The following NCOR2 variants were observed in gnomAD, a reference collection of about 807,000 sequenced individuals.
NCOR2 encodes CTG repeat protein 26.
A neutral mutation model predicts 262.9 loss-of-function variants in NCOR2; 81 were observed. That is an observed-to-expected ratio of 0.31 (90% confidence interval 0.26 to 0.37). The LOEUF (loss-of-function observed/expected upper bound fraction) is 0.37, where lower values mean the gene tolerates loss of function less well. Among genes scored for constraint, NCOR2 ranks in the 10% least tolerant of loss-of-function variants. The probability of loss-of-function intolerance (pLI) is 1.00; values close to 1 mark genes in which losing one functional copy is unlikely to be tolerated. For missense variants in NCOR2, 3,385 were observed against 3,621.4 expected (o/e 0.93, Z 1.68); for synonymous variants, 1,659 against 1,559.3 (o/e 1.06, Z -1.51).
chr12:124,495,211 G>A lies in NCOR2; in HGVS notation c.41C>T (p.Ala14Val), dbSNP rs777329543. The A allele has an allele frequency of 2.5e-6, 4 of 1,613,878 alleles. No homozygotes were observed. The highest frequency in any genetic ancestry group is 1.7e-5 in the Admixed American group (1 of 60,016). The change falls in exon 1 of 47, where the codon GCC becomes GTC. Residue 14 changes from alanine (A) to valine (V), a missense_variant. Transcript: ENST00000405201. This position sits in a 1 kb window ranked among gnomAD's most constrained non-coding sequence, Gnocchi z 4.4. ...GTGGGGCGGGTAGCGGGGCTCAGTG[G>A]CCCTCCACGTCTGTGCCACAGGCTG...
chr12:124,378,313 C>T lies in NCOR2; in HGVS notation c.2091G>A (p.Pro697=), dbSNP rs572762438. The change falls in exon 18 of 47, where the codon CCG becomes CCA. Residue 697 remains proline, a synonymous_variant. Transcript: ENST00000405201. The surrounding 1 kb of genome is among the most constrained non-coding windows in gnomAD (Gnocchi z 4.2). ...CCATCTCCTCATCCTCCACCACGGGCGGGAATGCAGCCTCCTCGCTGGCCG... is the reference window on the plus strand; with the variant it reads ...CCATCTCCTCATCCTCCACCACGGGTGGGAATGCAGCCTCCTCGCTGGCCG... 18 of 1,614,016 alleles carry T rather than the reference C, an allele frequency of 1.1e-5. No homozygotes were observed. The highest frequency in any genetic ancestry group is 6.7e-5 in the African/African-American group (5 of 75,056).
intron 37 of NCOR2, 47 bp downstream of exon 39, chr12:124,339,959 C>A (rs762057557): frequency 1.4e-6 from 2 of 1,389,518 alleles, no homozygotes; most frequent in Admixed American, 3.8e-5. Context: ...CTCCTACTGA[C>A]CACCCATCCA....
chr12:124,371,392 T>C (rs1195369669), intron 20 of NCOR2, among the ~76,000 whole-genome samples: 1 of 152,216 alleles, frequency 6.6e-6, no homozygotes, highest in African/African-American at 2.4e-5. Context: ...TGTGACCTTA[T>C]TTGGAAATAG....
At chr12:124,424,267 A>C (rs2293515) in intron 11 of NCOR2, among the ~76,000 whole-genome samples, 1 of 152,068 alleles carries the variant, frequency 6.6e-6, no homozygotes, top group South Asian at 2.1e-4. Context: ...GGGAACGTGA[A>C]TCTCAAACGC....
intron 13 of NCOR2, among the ~76,000 whole-genome samples, chr12:124,412,551 C>T (rs1040709765): frequency 2.7e-4 from 41 of 152,376 alleles, no homozygotes; most frequent in Admixed American, 6.5e-5. Context: ...GCTGCCTCAT[C>T]CAAGTTGGGC....
At chr12:124,515,562 T>C (rs1455637523) in intron 1 of NCOR2, among the ~76,000 whole-genome samples, 1 of 152,082 alleles carries the variant, frequency 6.6e-6, no homozygotes, top group Admixed American at 6.6e-5. Flanking sequence ...CACTCACTTG[T>C]GTGAGTGTGT....
chr12:124,472,842 G>A, intron 4 of NCOR2, 110 bp downstream of exon 6: 3 of 1,440,890 alleles, frequency 2.1e-6, no homozygotes, highest in Admixed American at 3.5e-5. Flanking sequence ...AAAAACCAGT[G>A]AGCACCCAGG....
chr12:124,443,090 G>A lies in NCOR2; in HGVS notation c.816-5094C>T, dbSNP rs1354699300. Among the ~76,000 whole-genome samples the A allele has an allele frequency of 6.6e-6, 1 of 152,220 alleles. No homozygotes were observed. The highest frequency in any genetic ancestry group is 1.5e-5 in the Non-Finnish European group (1 of 68,036). On this transcript the variant is annotated intron_variant, in intron 7 of 46. Transcript: ENST00000405201. The surrounding 1 kb of genome is among the most constrained non-coding windows in gnomAD (Gnocchi z 4.4). ...TTTCCAACTGCTGGCCTCCAGTACT[G>A]TGAGAGAAGAAAGTTCCTGCCATTT...
chr12:124,441,090 G>A (rs1454270087), intron 7 of NCOR2, among the ~76,000 whole-genome samples: 2 of 152,184 alleles, frequency 1.3e-5, no homozygotes, highest in East Asian at 3.9e-4. Context: ...CAGCTGTGAA[G>A]GCCTAGAAGC....
rs60467746 is a variant in NCOR2 at position 124,503,712 on chromosome 12, A to ATG, written c.-117-8345_-117-8344insCA. 2.7e-5 allele frequency among the ~76,000 whole-genome samples: 4 copies of ATG among 148,496 alleles called. No homozygotes were observed. Among genetic ancestry groups the ATG allele is most frequent in the East Asian group, 2.0e-4 (1 of 5,000 alleles). On this transcript the variant is annotated intron_variant, in intron 1 of 46. Coordinates refer to the NCOR2 transcript ENST00000404621. This position sits in a 1 kb window ranked among gnomAD's most constrained non-coding sequence, Gnocchi z 4.3. Reference sequence around the variant, plus strand: ...GATGGATGGATGGATGGATGGATGGACAGACGAATGGATGGATGGATGGAC... The same window carrying ATG: ...GATGGATGGATGGATGGATGGATGGATGCAGACGAATGGATGGATGGATGGAC...
At chr12:124,347,519 C>G (rs1035604807) in intron 30 of NCOR2, 8 of 376,382 alleles carry the variant, frequency 2.1e-5, no homozygotes, top group African/African-American at 1.6e-4. Flanking sequence ...ATGTGCCTCA[C>G]CAGGATGTTC....
exon 9 of NCOR2, chr12:124,430,659 G>A (rs374059688): frequency 2.2e-5 from 36 of 1,613,934 alleles, no homozygotes; most frequent in Non-Finnish European, 2.7e-5. Flanking sequence ...GGATCTCAGG[G>A]AACTGCTTCT....
chr12:124,492,348 G>A (rs1166761488), intron 1 of NCOR2, among the ~76,000 whole-genome samples: 1 of 152,204 alleles, frequency 6.6e-6, no homozygotes, highest in East Asian at 1.9e-4. Context: ...GCGGGCCAAT[G>A]CCACTCAGCA....
intron 1 of NCOR2, among the ~76,000 whole-genome samples, chr12:124,506,920 G>A (rs1423112049): frequency 1.3e-5 from 2 of 152,226 alleles, no homozygotes; most frequent in Non-Finnish European, 2.9e-5. Flanking sequence ...CTGAGCTGGG[G>A]CTGAGCTCCT....
intron 20 of NCOR2, among the ~76,000 whole-genome samples, chr12:124,365,640 C>T (rs2038972153): frequency 6.6e-6 from 1 of 152,132 alleles, no homozygotes; most frequent in East Asian, 1.9e-4. Flanking sequence ...CTGCCCATGG[C>T]GCACAGACGG....
At chr12:124,342,148 G>A in intron 33 of NCOR2, 74 bp from the exon 36 acceptor site, 3 of 1,495,212 alleles carry the variant, frequency 2.0e-6, no homozygotes, top group South Asian at 1.3e-5. Flanking sequence ...CTGTCTGGAT[G>A]CCCCCTACTT....
Position 124,332,313 on chromosome 12 carries a change from C to T in NCOR2, c.6904+6G>A. The T allele has an allele frequency of 1.2e-6, 2 of 1,614,038 alleles. No homozygotes were observed. The highest frequency in any genetic ancestry group is 8.5e-7 in the Non-Finnish European group (1 of 1,179,994). On this transcript the variant is annotated splice_donor_region_variant and intron_variant, in intron 43 of 46. Transcript: ENST00000405201. ...ATGCTTCCCCGGGAGCCTGCAGGCC[C>T]CTTACTGTATTCAGGCTCATTCCGG... is the stretch of plus-strand genomic sequence containing the variant.
chr12:124,414,113 T>C lies in NCOR2; in HGVS notation c.1482+5844A>G, dbSNP rs577288256. Among the ~76,000 whole-genome samples, 11 of 152,326 alleles carry C rather than the reference T, an allele frequency of 7.2e-5. No homozygotes were observed. In the South Asian group the frequency reaches 2.3e-3, roughly 32 times the overall value. Reference sequence around the variant, plus strand: ...GACCACAGGAGAGGCCTGTCCTACCTGGCGGATCAGGGCTGGCTTCCAGAA... The same window carrying C: ...GACCACAGGAGAGGCCTGTCCTACCCGGCGGATCAGGGCTGGCTTCCAGAA... On this transcript the variant is annotated intron_variant, in intron 13 of 46. Coordinates refer to ENST00000405201, the Ensembl canonical transcript of NCOR2.
At chr12:124,562,955 G>A (rs1230110471) in intron 1 of NCOR2, among the ~76,000 whole-genome samples, 2 of 152,174 alleles carry the variant, frequency 1.3e-5, no homozygotes, top group Non-Finnish European at 2.9e-5. Flanking sequence ...GTCAGAAGCA[G>A]CAGCAGCACC....
Sources: gnomAD v4.1 joint callset for allele counts (sites outside exome capture counted in the v4.1 genomes callset) on GRCh38, gnomAD v4.1.1 for gene constraint, Gnocchi (gnomAD v3.1) non-coding constraint, MANE v1.5 for transcripts, NCBI Gene and HGNC (gene_info 2026-07-23, HGNC 2026-07-21) for gene names.